Variants in VWA8 observed in about 807,000 individuals in gnomAD.
VWA8 encodes von Willebrand factor A domain-containing protein 8.
VWA8 carries 221 observed loss-of-function variants against 241.5 expected under a neutral mutation model. That is an observed-to-expected ratio of 0.91 (90% CI 0.82 to 1.02). The LOEUF is 1.02. VWA8 is among the 50% of genes least tolerant of loss of function. The pLI is 0.00. For synonymous variants in VWA8, 852 were observed against 827.1 expected (o/e 1.03, Z -0.52); for missense variants, 2,322 against 2,328.7 (o/e 1.00, Z 0.06).
In VWA8 at chr13:41,856,838, T is replaced by TAA. The variant is rs550321490; in HGVS notation, c.1425+8896_1425+8897dup. ...GGCCTTGTCTCAAAAAAATGAAAAT[T>TAA]AAAAAAAAAAAAAAAAGAAAGAAAC... is the stretch of plus-strand genomic sequence containing the variant. On this transcript the variant is annotated intron_variant, in intron 12 of 44. Coordinates refer to ENST00000379310, the MANE Select transcript of VWA8 (RefSeq NM_015058.2). Among the ~76,000 whole-genome samples the TAA allele has an allele frequency of 4.9e-3, 650 of 132,484 alleles. 10 individuals are homozygous for TAA. The highest frequency in any genetic ancestry group is 0.049 in the Middle Eastern group (13 of 266). The allele number at this position is 132,484 out of a possible 152,430, so 86.9% of individuals were successfully genotyped here. A position where few individuals can be genotyped will look rare whatever the true frequency, so the allele number is the denominator to read the frequency against.
rs752223420 is a variant in VWA8 at position 41,587,684 on chromosome 13, T to A, written c.5113-14A>T. ...TGGGCTGCCAAGCTGAGGGAAGGAATAACAGAAAAGCCGTTTGTGAACTGG... is the reference window on the plus strand; with the variant it reads ...TGGGCTGCCAAGCTGAGGGAAGGAAAAACAGAAAAGCCGTTTGTGAACTGG... On this transcript the variant is annotated splice_polypyrimidine_tract_variant and intron_variant, in intron 41 of 44. Transcript: ENST00000379310. The A allele has an allele frequency of 6.2e-7, 1 of 1,613,098 alleles. No individual in the cohort carries two copies. The highest frequency in any genetic ancestry group is 1.7e-5 in the Admixed American group (1 of 59,950).
At chr13:41,624,202 T>A (rs1198037342) in intron 37 of VWA8, among the ~76,000 whole-genome samples, 1 of 151,810 alleles carries the variant, frequency 6.6e-6, no homozygotes, top group Non-Finnish European at 1.5e-5. Flanking sequence ...ACCAGAAAAA[T>A]TCCTGGACCA....
chr13:41,603,404 T>C (rs1218521726), intron 40 of VWA8, among the ~76,000 whole-genome samples: 1 of 152,146 alleles, frequency 6.6e-6, no homozygotes, highest in Non-Finnish European at 1.5e-5. Flanking sequence ...CATGATACCA[T>C]TTATCTAAAG....
At chr13:41,883,712 A>G (rs575013926) in intron 8 of VWA8, among the ~76,000 whole-genome samples, 16 of 152,166 alleles carry the variant, frequency 1.1e-4, no homozygotes, top group Admixed American at 2.6e-4. Flanking sequence ...TTTATCTTCT[A>G]TGTATTGATG....
intron 35 of VWA8, among the ~76,000 whole-genome samples, chr13:41,678,239 A>C (rs920557739): frequency 6.6e-6 from 1 of 152,172 alleles, no homozygotes; most frequent in Admixed American, 6.6e-5. Context: ...AAGAAAAGGT[A>C]ATGTCCAAGG....
intron 26 of VWA8, among the ~76,000 whole-genome samples, chr13:41,716,962 C>G (rs1247613978): frequency 1.3e-5 from 2 of 150,612 alleles, no homozygotes; most frequent in Non-Finnish European, 3.0e-5. Flanking sequence ...TGATTACCAT[C>G]AACAGTACAC....
chr13:41,886,943 A>C, intron 6 of VWA8, 113 bp from the exon 7 acceptor site: 2 of 928,960 alleles, frequency 2.2e-6, no homozygotes, highest in South Asian at 1.9e-5. Flanking sequence ...TAAATATTTA[A>C]CAGCAAAAAA....
At chr13:41,639,675 G>A (rs12872879) in intron 37 of VWA8, among the ~76,000 whole-genome samples, 4,929 of 152,168 alleles carry the variant, frequency 0.032, 89 homozygotes, top group South Asian at 0.077. Context: ...AGACTCTCAC[G>A]GCATAAAGTG....
intron 26 of VWA8, among the ~76,000 whole-genome samples, chr13:41,718,784 AT>A (rs556476706): frequency 6.6e-6 from 1 of 151,550 alleles, no homozygotes; most frequent in Non-Finnish European, 1.5e-5. Context: ...TATTTAACAC[AT>A]TTTTTTCTAC....
At chr13:41,578,493 A>G (rs897136736) in intron 42 of VWA8, among the ~76,000 whole-genome samples, 1 of 152,164 alleles carries the variant, frequency 6.6e-6, no homozygotes, top group African/African-American at 2.4e-5. Context: ...AAGGATTCCA[A>G]CATGGTTTAC....
intron 2 of VWA8, among the ~76,000 whole-genome samples, chr13:41,930,110 G>A (rs1877035211): frequency 6.6e-6 from 1 of 152,116 alleles, no homozygotes; most frequent in Non-Finnish European, 1.5e-5. Flanking sequence ...ATGGCCAACA[G>A]GTATATGAAA....
At chr13:41,638,608 C>A (rs2044774681) in intron 37 of VWA8, among the ~76,000 whole-genome samples, 1 of 151,980 alleles carries the variant, frequency 6.6e-6, no homozygotes, top group African/African-American at 2.4e-5. Flanking sequence ...AGTGAAAGGG[C>A]CCTCTGAATT....
At chr13:41,934,852 G>T (rs772498267) in intron 2 of VWA8, among the ~76,000 whole-genome samples, 9 of 151,942 alleles carry the variant, frequency 5.9e-5, no homozygotes, top group Non-Finnish European at 1.3e-4. Context: ...ATATACATAT[G>T]TAAAAACATC....
chr13:41,757,510 C>T lies in VWA8; in HGVS notation c.2426+3618G>A, dbSNP rs75510691. On this transcript the variant is annotated intron_variant, in intron 21 of 44. Coordinates refer to ENST00000379310, the MANE Select transcript of VWA8 (RefSeq NM_015058.2). The stretch of plus-strand genomic sequence containing the variant: ...TGTTACATGGCTATATTGTGTGATC[C>T]TGAGATTTAGGGTATGACTGATCCT... Among the ~76,000 whole-genome samples the T allele has an allele frequency of 9.3e-3, 1,403 of 151,556 alleles. 31 individuals are homozygous for T. Among genetic ancestry groups the T allele is most frequent in the African/African-American group, 0.03 (1,263 of 41,420 alleles).
At chr13:41,868,957 T>C (rs1873455586) in intron 9 of VWA8, among the ~76,000 whole-genome samples, 1 of 151,046 alleles carries the variant, frequency 6.6e-6, no homozygotes, top group Non-Finnish European at 1.5e-5. Flanking sequence ...TTTTTTTCTA[T>C]TCCTACTAAT....
intron 37 of VWA8, among the ~76,000 whole-genome samples, chr13:41,656,881 T>C (rs1438778467): frequency 1.3e-5 from 2 of 152,110 alleles, no homozygotes. Flanking sequence ...CACATGGTCA[T>C]GCGTGTTGTT....
chr13:41,697,968 C>T lies in VWA8; in HGVS notation c.3564+1103G>A, dbSNP rs561210898. 1.6e-4 allele frequency among the ~76,000 whole-genome samples: 25 copies of T among 152,148 alleles called. 1 individual carries two copies. The South Asian group carries it at 5.0e-3, about 30-fold the overall frequency. ...GTTTCTAGACTCTGGGCCTTTAAAC[C>T]TACTATTCCTTTTGTCTAGAACTCT... On this transcript the variant is annotated intron_variant, in intron 29 of 44. Transcript: ENST00000379310.
At chr13:41,647,584 T>G (rs889447848) in intron 37 of VWA8, among the ~76,000 whole-genome samples, 1 of 152,220 alleles carries the variant, frequency 6.6e-6, no homozygotes, top group African/African-American at 2.4e-5. Flanking sequence ...GTGCTAGCAT[T>G]GGGCATATGC....
chr13:41,880,262 AT>A (rs536079006), intron 9 of VWA8, among the ~76,000 whole-genome samples: 2 of 152,118 alleles, frequency 1.3e-5, no homozygotes, highest in South Asian at 2.1e-4. Context: ...AATGGTTAAC[AT>A]TTTTTTAGCA....
Sources: allele counts gnomAD v4.1 joint callset (sites outside exome capture counted in the v4.1 genomes callset), GRCh38; gene constraint gnomAD v4.1.1; transcripts MANE v1.5; gene names NCBI Gene and HGNC (gene_info 2026-07-23, HGNC 2026-07-21).